CSMD1: variants seen among roughly 807,000 people sequenced by gnomAD.
CSMD1 encodes CUB and sushi domain-containing protein 1.
Under a neutral mutation model 417.5 loss-of-function variants are expected in CSMD1, and 213 were observed. The observed-to-expected ratio is 0.51, with a 90% CI of 0.46 to 0.57. The LOEUF is 0.57. CSMD1 is among the 20% of genes least tolerant of loss of function. The probability of loss-of-function intolerance (pLI) is 0.00; values close to 1 mark genes in which losing one functional copy is unlikely to be tolerated. For missense variants in CSMD1, 6,923 were observed against 4,529.7 expected (o/e 1.53, Z -15.17); for synonymous variants, 2,862 against 1,736.8 (o/e 1.65, Z -16.11).
rs186038152 is a variant in CSMD1 at position 3,423,035 on chromosome 8, A to T, written c.1562-13430T>A. Among the ~76,000 whole-genome samples, 3 of 152,334 alleles carry T rather than the reference A, an allele frequency of 2.0e-5. No individual in the cohort carries two copies. In the East Asian group the frequency reaches 5.8e-4, roughly 29 times the overall value. On this transcript the variant is annotated intron_variant, in intron 12 of 69. Coordinates refer to ENST00000635120, the MANE Select transcript of CSMD1 (RefSeq NM_033225.6). The stretch of plus-strand genomic sequence containing the variant: ...ACAGGAGACACCTTCAAACACCAGC[A>T]CCAGCTAGTCGAGTTGTACAGTCCT...
chr8:3,344,090 A>G (rs1807832796), intron 22 of CSMD1, among the ~76,000 whole-genome samples: 1 of 152,186 alleles, frequency 6.6e-6, no homozygotes, highest in Non-Finnish European at 1.5e-5. Context: ...ACGAGAGTAG[A>G]TGTAATAAGT....
At chr8:4,417,794 A>G (rs1381392630) in intron 3 of CSMD1, among the ~76,000 whole-genome samples, 2 of 152,040 alleles carry the variant, frequency 1.3e-5, no homozygotes, top group Non-Finnish European at 2.9e-5. Flanking sequence ...TCATATACAT[A>G]TATATACATG....
chr8:3,937,947 T>C (rs1014598828), intron 5 of CSMD1, among the ~76,000 whole-genome samples: 2 of 152,154 alleles, frequency 1.3e-5, no homozygotes, highest in African/African-American at 4.8e-5. Context: ...TTTAGTTACA[T>C]ACTAACTTAC....
intron 5 of CSMD1, among the ~76,000 whole-genome samples, chr8:3,769,715 G>C (rs1301145791): frequency 3.3e-5 from 5 of 152,010 alleles, no homozygotes; most frequent in African/African-American, 1.2e-4. Context: ...TCCATTGAGT[G>C]AACATACCAT....
chr8:4,218,795 A>T (rs757719505), intron 3 of CSMD1, among the ~76,000 whole-genome samples: 2 of 152,126 alleles, frequency 1.3e-5, no homozygotes, highest in Non-Finnish European at 1.5e-5. Flanking sequence ...TACAGACTTA[A>T]CTTCTGTTTT....
chr8:3,935,564 G>A (rs1810434517), intron 5 of CSMD1, among the ~76,000 whole-genome samples: 1 of 152,096 alleles, frequency 6.6e-6, no homozygotes, highest in African/African-American at 2.4e-5. Flanking sequence ...GTATATGATT[G>A]TACTTGCTAT....
intron 55 of CSMD1, among the ~76,000 whole-genome samples, chr8:2,978,252 C>CT (rs925826015): frequency 5.3e-5 from 8 of 152,184 alleles, no homozygotes; most frequent in African/African-American, 1.7e-4. Context: ...AGTAAGACGC[C>CT]TGGCGGGGAG....
intron 17 of CSMD1, 130 bp downstream of exon 17, chr8:3,396,064 A>T: frequency 1.4e-6 from 1 of 725,138 alleles, no homozygotes. Flanking sequence ...ATTGCATAGT[A>T]TGGTTTTGCT....
chr8:3,851,097 A>T (rs142660767), intron 5 of CSMD1, among the ~76,000 whole-genome samples: 1 of 152,360 alleles, frequency 6.6e-6, no homozygotes. Flanking sequence ...ATAATTCTAG[A>T]TATCATTAAA....
At chr8:4,193,764 G>A (rs923854069) in intron 3 of CSMD1, among the ~76,000 whole-genome samples, 1 of 152,120 alleles carries the variant, frequency 6.6e-6, no homozygotes, top group Non-Finnish European at 1.5e-5. Context: ...TGGCTGGCAA[G>A]TTATGGAATC....
chr8:4,012,051 G>A (rs1051745861), intron 4 of CSMD1, among the ~76,000 whole-genome samples: 1 of 152,012 alleles, frequency 6.6e-6, no homozygotes, highest in Non-Finnish European at 1.5e-5. Context: ...TACATGGTCG[G>A]TACAGATGCA....
At chr8:3,699,729 C>T (rs896008272) in intron 7 of CSMD1, among the ~76,000 whole-genome samples, 85 of 152,174 alleles carry the variant, frequency 5.6e-4, no homozygotes, top group African/African-American at 2.0e-3. Flanking sequence ...TGCTGATCAT[C>T]TTTATGACAG....
intron 10 of CSMD1, among the ~76,000 whole-genome samples, chr8:3,513,255 A>C (rs532398942): frequency 2.6e-5 from 4 of 152,074 alleles, no homozygotes; most frequent in South Asian, 4.2e-4. Context: ...CCCTATTTGG[A>C]AATTATTTTG....
chr8:4,824,480 A>G (rs1020422112), intron 1 of CSMD1, among the ~76,000 whole-genome samples: 2 of 152,150 alleles, frequency 1.3e-5, no homozygotes, highest in Admixed American at 1.3e-4. Flanking sequence ...GTTTAAAGAA[A>G]TAGAATGGTT....
chr8:2,991,155 T>A lies in CSMD1; in HGVS notation c.8377+6856A>T, dbSNP rs116893486. ...TTCAACAGGCCAATTATTTCTAGGG[T>A]GTGTCATTAAGGGTATTTATTACTT... On this transcript the variant is annotated intron_variant, in intron 54 of 69. Transcript: ENST00000635120. 1.2e-4 allele frequency among the ~76,000 whole-genome samples: 18 copies of A among 152,344 alleles called. No homozygotes were observed. In the East Asian group the frequency reaches 3.5e-3, roughly 29 times the overall value.
intron 3 of CSMD1, among the ~76,000 whole-genome samples, chr8:4,162,365 G>A (rs910285845): frequency 6.6e-6 from 1 of 152,256 alleles, no homozygotes; most frequent in East Asian, 1.9e-4. Flanking sequence ...TAATTTTGAT[G>A]TTCAAATGTT....
At chr8:4,468,693 A>G (rs1800338940) in intron 2 of CSMD1, among the ~76,000 whole-genome samples, 1 of 152,320 alleles carries the variant, frequency 6.6e-6, no homozygotes, top group Admixed American at 6.5e-5. Flanking sequence ...TATCATAACA[A>G]GAGTGTTTAG....
intron 1 of CSMD1, among the ~76,000 whole-genome samples, chr8:4,900,856 C>T (rs1342155367): frequency 6.6e-6 from 1 of 152,188 alleles, no homozygotes; most frequent in African/African-American, 2.4e-5. Flanking sequence ...TTATGTAATG[C>T]ACACTTCCTT....
chr8:3,065,207 T>C (rs117352059), intron 49 of CSMD1, among the ~76,000 whole-genome samples: 2,453 of 152,000 alleles, frequency 0.016, 26 homozygotes, highest in East Asian at 0.039. Context: ...AGATATATAG[T>C]GATAGATAAA....
Sources: allele counts gnomAD v4.1 joint callset (sites outside exome capture counted in the v4.1 genomes callset), GRCh38; gene constraint gnomAD v4.1.1; transcripts MANE v1.5; gene names NCBI Gene and HGNC (gene_info 2026-07-23, HGNC 2026-07-21).